Variants in STK33 observed in about 807,000 individuals in gnomAD.
The protein encoded by STK33 is serine/threonine kinase 33, also known as serine/threonine-protein kinase 33.
In STK33, 52 loss-of-function variants were observed where a neutral mutation model predicts 58.0. The observed-to-expected ratio is 0.90, with a 90% CI of 0.72 to 1.13. STK33 has a LOEUF of 1.13. Among genes scored for constraint, STK33 ranks in the 50% most tolerant of loss-of-function variants. The probability of loss-of-function intolerance (pLI) is 0.00; values close to 1 mark genes in which losing one functional copy is unlikely to be tolerated. For synonymous variants in STK33, 215 were observed against 200.1 expected, an observed-to-expected ratio of 1.07 and a Z score of -0.63; for missense variants, 630 against 604.2, an observed-to-expected ratio of 1.04 and a Z score of -0.45.
chr11:8,499,192 G>A (rs189687812), intron 1 of STK33, among the ~76,000 whole-genome samples: 4 of 152,200 alleles, frequency 2.6e-5, no homozygotes, highest in Admixed American at 2.0e-4. Flanking sequence ...ATCTGACAAA[G>A]GGCTAATATC....
At chr11:8,571,618 G>C in intron 1 of STK33, among the ~76,000 whole-genome samples, 1 of 152,108 alleles carries the variant, frequency 6.6e-6, no homozygotes, top group East Asian at 1.9e-4. Flanking sequence ...TGGATCACGA[G>C]GTCAGGAGAT....
chr11:8,573,985 A>G (rs1958005962), intron 1 of STK33, among the ~76,000 whole-genome samples: 1 of 152,172 alleles, frequency 6.6e-6, no homozygotes, highest in South Asian at 2.1e-4. Context: ...CTGTATCTTG[A>G]TTACAGTGAT....
chr11:8,397,017 G>A (rs2135101072), intron 15 of STK33, among the ~76,000 whole-genome samples: 1 of 152,332 alleles, frequency 6.6e-6, no homozygotes, highest in East Asian at 1.9e-4. Context: ...GCCTGCCTCT[G>A]TAGACTCCAC....
chr11:8,518,687 C>T (rs899564904), intron 1 of STK33, among the ~76,000 whole-genome samples: 1 of 152,102 alleles, frequency 6.6e-6, no homozygotes, highest in African/African-American at 2.4e-5. Context: ...GCAGGGGTTG[C>T]AATCCTAGTC....
chr11:8,517,671 G>A (rs1207834329), intron 1 of STK33, among the ~76,000 whole-genome samples: 1 of 152,190 alleles, frequency 6.6e-6, no homozygotes, highest in Non-Finnish European at 1.5e-5. Context: ...GAAAATCACA[G>A]CATGAGAACT....
chr11:8,343,782 C>T, the STK33 span, among the ~76,000 whole-genome samples: 18 of 152,154 alleles, frequency 1.2e-4, no homozygotes, highest in Non-Finnish European at 2.5e-4. Flanking sequence ...TGCCTTGACC[C>T]TCTGGTGGCT....
the STK33 span, among the ~76,000 whole-genome samples, chr11:8,349,702 T>C: frequency 6.6e-6 from 1 of 152,192 alleles, no homozygotes; most frequent in East Asian, 1.9e-4. Flanking sequence ...TTGCCCCCAG[T>C]CGGGACAATT....
intron 1 of STK33, among the ~76,000 whole-genome samples, chr11:8,557,724 C>T (rs1183718981): frequency 6.6e-6 from 1 of 151,696 alleles, no homozygotes; most frequent in Non-Finnish European, 1.5e-5. Context: ...TTACTTCAAC[C>T]TATATCATCA....
At chr11:8,335,841 G>A in the STK33 span, among the ~76,000 whole-genome samples, 11 of 152,240 alleles carry the variant, frequency 7.2e-5, no homozygotes, top group Admixed American at 1.3e-4. Context: ...GAAATCTAGC[G>A]TGTATTTTAC....
chr11:8,439,505 A>C (rs1192374981), intron 12 of STK33, among the ~76,000 whole-genome samples: 1 of 152,052 alleles, frequency 6.6e-6, no homozygotes, highest in Non-Finnish European at 1.5e-5. Flanking sequence ...ATACCTAATA[A>C]ATGTAGGAAC....
intron 1 of STK33, among the ~76,000 whole-genome samples, chr11:8,518,215 C>A (rs1329290321): frequency 6.6e-6 from 1 of 152,102 alleles, no homozygotes; most frequent in Non-Finnish European, 1.5e-5. Context: ...GAATTTTCAA[C>A]CCAGAATTTC....
intron 10 of STK33, 66 bp from the exon 11 acceptor site, chr11:8,452,972 A>T: frequency 7.5e-7 from 1 of 1,329,846 alleles, no homozygotes; most frequent in Non-Finnish European, 1.1e-6. Flanking sequence ...TTCTGAAGAT[A>T]AGACTTCACA....
intron 7 of STK33, among the ~76,000 whole-genome samples, chr11:8,462,438 T>TACACAC (rs763733174): frequency 1.1e-3 from 119 of 110,808 alleles, no homozygotes; most frequent in Middle Eastern, 9.1e-3. Context: ...CATATATACA[T>TACACAC]ATATACACAC....
chr11:8,358,954 C>T, the STK33 span, among the ~76,000 whole-genome samples: 1 of 152,162 alleles, frequency 6.6e-6, no homozygotes, highest in Non-Finnish European at 1.5e-5. Context: ...CAGTCAAAAC[C>T]CTGTGCCTCC....
intron 15 of STK33, among the ~76,000 whole-genome samples, chr11:8,395,187 T>C (rs749446478): frequency 6.6e-6 from 1 of 152,202 alleles, no homozygotes; most frequent in South Asian, 2.1e-4. Context: ...CCAAGTCTTA[T>C]CTTGAATTGT....
the STK33 span, among the ~76,000 whole-genome samples, chr11:8,384,169 G>C: frequency 1.3e-5 from 2 of 151,406 alleles, no homozygotes; most frequent in African/African-American, 4.8e-5. Context: ...ATCATATATG[G>C]ATAATCATAA....
At chr11:8,423,135 C>T (rs1364349404) in intron 14 of STK33, among the ~76,000 whole-genome samples, 3 of 151,694 alleles carry the variant, frequency 2.0e-5, no homozygotes, top group African/African-American at 7.3e-5. Flanking sequence ...AGCCACCATG[C>T]CCAGCCTGTT....
chr11:8,526,212 C>T (rs369490850), intron 1 of STK33, among the ~76,000 whole-genome samples: 53 of 152,132 alleles, frequency 3.5e-4, no homozygotes, highest in African/African-American at 1.1e-3. Flanking sequence ...TTCTGGCCAA[C>T]GTGGTAAAAC....
chr11:8,491,705 GT>G (rs1950626041), intron 1 of STK33, among the ~76,000 whole-genome samples: 1 of 152,120 alleles, frequency 6.6e-6, no homozygotes, highest in African/African-American at 2.4e-5. Context: ...GAAAGGTCAG[GT>G]TACTCACAAA....
Sources: gnomAD v4.1 joint callset for allele counts (sites outside exome capture counted in the v4.1 genomes callset) on GRCh38, gnomAD v4.1.1 for gene constraint, MANE v1.5 for transcripts, NCBI Gene and HGNC (gene_info 2026-07-23, HGNC 2026-07-21) for gene names.